Variants in ATAD5 observed in about 807,000 individuals in gnomAD.
ATAD5 encodes the protein ATPase family AAA domain-containing protein 5.
In ATAD5, 58 loss-of-function variants were observed where a neutral mutation model predicts 176.9. The observed-to-expected ratio is 0.33, with a 90% confidence interval of 0.27 to 0.41. ATAD5 has a LOEUF of 0.41. ATAD5 is among the 10% of genes least tolerant of loss of function. The pLI, the probability that ATAD5 is intolerant of heterozygous loss-of-function variation, is 1.00. For missense variants in ATAD5, 1,789 were observed against 2,094.1 expected, an observed-to-expected ratio of 0.85 and a Z score of 2.84; for synonymous variants, 640 against 712.6, an observed-to-expected ratio of 0.90 and a Z score of 1.62.
intron 3 of ATAD5, among the ~76,000 whole-genome samples, chr17:30,839,284 A>G (rs62070643): frequency 0.24 from 35,777 of 150,832 alleles, 4,367 homozygotes; most frequent in Middle Eastern, 0.28. Context: ...AAATAGATAT[A>G]TCTTTTTTTT....
intron 4 of ATAD5, among the ~76,000 whole-genome samples, chr17:30,841,611 G>A (rs1906124749): frequency 6.6e-6 from 1 of 152,088 alleles, no homozygotes; most frequent in Non-Finnish European, 1.5e-5. Context: ...CCCAAAAATA[G>A]ACTCTTTTCT....
intron 18 of ATAD5, among the ~76,000 whole-genome samples, chr17:30,883,181 G>C (rs557979289): frequency 6.8e-6 from 1 of 146,038 alleles, no homozygotes; most frequent in East Asian, 2.0e-4. Flanking sequence ...CTGGAGTGTA[G>C]TGGCTCAGTC....
chr17:30,850,847 A>ATATATATATT (rs1906862316), intron 6 of ATAD5, among the ~76,000 whole-genome samples: 2 of 31,398 alleles, frequency 6.4e-5, no homozygotes, highest in Non-Finnish European at 1.4e-4. Context: ...ATATATATAT[A>ATATATATATT]TATATATATA....
At position 30,834,190 on chromosome 17, in the gene ATAD5, A is replaced by G. The variant is rs1210347234; in HGVS notation, c.109A>G (p.Lys37Glu). The change falls in exon 2 of 23, where the codon AAA (lysine) becomes GAA (glutamate). Residue 37 changes from lysine (K) to glutamate (E), a missense_variant. Lys to Glu is a moderately conservative substitution (Grantham distance 56). Around this residue, in one of 6 missense-constraint regions of ATAD5, gnomAD observed 696 missense variants for 712.5 expected, o/e 0.98. Coordinates refer to ENST00000321990, the MANE Select transcript of ATAD5 (RefSeq NM_024857.5). ...RKKDDDTSTC[K>E]TITKYLSPLG... ...GAAAGATGATGACACATCTACCTGC[A>G]AAACAATTACAAAATATTTATCACC... 6.3e-7 allele frequency: 1 copy of G among 1,589,010 alleles called. No homozygotes were observed. Among genetic ancestry groups the G allele is most frequent in the Non-Finnish European group, 8.5e-7 (1 of 1,172,374 alleles).
chr17:30,836,158 TA>T, intron 2 of ATAD5, 110 bp downstream of exon 2: 1 of 938,644 alleles, frequency 1.1e-6, no homozygotes, highest in Non-Finnish European at 1.5e-6. Context: ...CACAGCTGTT[TA>T]AAAGAAAAAG....
intron 4 of ATAD5, among the ~76,000 whole-genome samples, chr17:30,841,562 C>G (rs1221292908): frequency 6.6e-6 from 1 of 152,120 alleles, no homozygotes; most frequent in African/African-American, 2.4e-5. Flanking sequence ...AAGAGTTGTG[C>G]ATCCATTACC....
At chr17:30,850,318 A>C (rs1597963767) in intron 6 of ATAD5, among the ~76,000 whole-genome samples, 2 of 144,934 alleles carry the variant, frequency 1.4e-5, no homozygotes, top group Admixed American at 6.9e-5. Flanking sequence ...CCCCTCTCCC[A>C]CCTCTATTAA....
At chr17:30,838,906 A>C (rs1905912003) in intron 3 of ATAD5, among the ~76,000 whole-genome samples, 1 of 152,206 alleles carries the variant, frequency 6.6e-6, no homozygotes, top group Admixed American at 6.5e-5. Flanking sequence ...TTCACTGAAG[A>C]CTTATCCAGC....
chr17:30,833,024 T>C (rs1905476741), intron 1 of ATAD5, among the ~76,000 whole-genome samples: 1 of 152,186 alleles, frequency 6.6e-6, no homozygotes, highest in African/African-American at 2.4e-5. Flanking sequence ...CATCTTAAGG[T>C]AGACTTGTTA....
chr17:30,894,828 T>C lies in ATAD5; in HGVS notation c.5457-7T>C. 1 of 1,580,224 alleles carries C rather than the reference T, an allele frequency of 6.3e-7. No individual in the cohort carries two copies. The highest frequency in any genetic ancestry group is 8.6e-7 in the Non-Finnish European group (1 of 1,169,226). On this transcript the variant is annotated splice_region_variant and splice_polypyrimidine_tract_variant and intron_variant, in intron 22 of 22. Coordinates refer to ENST00000321990, the MANE Select transcript of ATAD5 (RefSeq NM_024857.5). ...TTAAATTGTATTTTTCTTTGTAATT[T>C]TGACAGATTCCTGCACTATTTTGAA...
At position 30,893,477 on chromosome 17, in the gene ATAD5, A is replaced by G. The variant is rs1909742733; in HGVS notation, c.4624A>G (p.Lys1542Glu). 6.2e-7 allele frequency: 1 copy of G among 1,613,582 alleles called. No individual in the cohort carries two copies. Residue 1542 changes from lysine (K) to glutamate (E), a missense_variant, in exon 21 of 23, where the codon AAA becomes GAA. Transcript: ENST00000321990. ...AACTGTGGATGCCAGTGCAGCAACAAAAAGTATGAATTGTCTTGCTAGGAA... is the reference window on the plus strand; with the variant it reads ...AACTGTGGATGCCAGTGCAGCAACAGAAAGTATGAATTGTCTTGCTAGGAA... ...SVTVDASAAT[K>E]SMNCLARKHS...
At chr17:30,869,751 C>A in intron 14 of ATAD5, 105 bp downstream of exon 14, 1 of 1,265,794 alleles carries the variant, frequency 7.9e-7, no homozygotes, top group Non-Finnish European at 1.1e-6. Flanking sequence ...ATCTTCTACA[C>A]GTACACGTTT....
intron 11 of ATAD5, among the ~76,000 whole-genome samples, chr17:30,866,150 A>G (rs1283293560): frequency 6.8e-6 from 1 of 147,298 alleles, no homozygotes; most frequent in Non-Finnish European, 1.5e-5. Flanking sequence ...ATTACATGAA[A>G]TTTGTTACAC....
chr17:30,891,603 C>G (rs753564969), intron 19 of ATAD5, among the ~76,000 whole-genome samples: 10 of 151,810 alleles, frequency 6.6e-5, no homozygotes, highest in Non-Finnish European at 1.2e-4. Flanking sequence ...GAACTCCTGA[C>G]CTCAGGTGAT....
chr17:30,852,298 A>G (rs982054862), intron 6 of ATAD5, among the ~76,000 whole-genome samples: 1 of 151,960 alleles, frequency 6.6e-6, no homozygotes, highest in African/African-American at 2.4e-5. Flanking sequence ...ATGTCCTCAT[A>G]ATTTATGGAG....
intron 1 of ATAD5, 54 bp from the exon 2 acceptor site, chr17:30,834,094 T>C: frequency 7.4e-7 from 1 of 1,360,308 alleles, no homozygotes; most frequent in African/African-American, 1.5e-5. Context: ...TTAAAATTTA[T>C]ATTTTGTATT....
chr17:30,872,566 C>CT (rs1908400666), intron 14 of ATAD5, among the ~76,000 whole-genome samples: 1 of 84,758 alleles, frequency 1.2e-5, no homozygotes, highest in African/African-American at 4.7e-5. Flanking sequence ...TTTTTTTTTT[C>CT]TTTTTTTGAG....
chr17:30,884,749 CTTTTT>C (rs71142006), intron 18 of ATAD5, among the ~76,000 whole-genome samples: 1 of 115,778 alleles, frequency 8.6e-6, no homozygotes, highest in Non-Finnish European at 1.8e-5. Context: ...ATTTCTTTTT[CTTTTT>C]TTTTTTTTTT....
At chr17:30,844,960 A>T in intron 6 of ATAD5, 44 bp downstream of exon 6, 2 of 1,436,082 alleles carry the variant, frequency 1.4e-6, no homozygotes, top group Non-Finnish European at 1.9e-6. Context: ...ATTTTATAGA[A>T]TGTATTTGTA....
Sources: gnomAD v4.1 joint callset for allele counts (sites outside exome capture counted in the v4.1 genomes callset) on GRCh38, gnomAD v4.1.1 for gene constraint, gnomAD v4.1.1 regional missense constraint, MANE v1.5 for transcripts, NCBI Gene and HGNC (gene_info 2026-07-23, HGNC 2026-07-21) for gene names.